Variants in SLC4A8 observed in about 807,000 individuals in gnomAD.
SLC4A8 encodes electroneutral sodium bicarbonate exchanger 1.
SLC4A8 carries 40 observed loss-of-function variants against 125.0 expected under a neutral mutation model. The ratio of observed to expected loss-of-function variants is 0.32; its 90% CI spans 0.25 to 0.42. The LOEUF is 0.42. SLC4A8 is among the 10% of genes least tolerant of loss of function. SLC4A8 has a pLI of 1.00. For synonymous variants in SLC4A8, 456 were observed against 476.0 expected, an observed-to-expected ratio of 0.96 and a Z score of 0.55; for missense variants, 863 against 1,355.1, an observed-to-expected ratio of 0.64 and a Z score of 5.70.
At chr12:51,413,699 T>C (rs940031067) in intron 1 of SLC4A8, among the ~76,000 whole-genome samples, 1 of 152,204 alleles carries the variant, frequency 6.6e-6, no homozygotes, top group African/African-American at 2.4e-5. Flanking sequence ...ATGTTCTTCA[T>C]GCCTTTGTTG....
Position 51,483,696 on chromosome 12 carries a change from T to G in SLC4A8, c.2173-2091T>G, listed in dbSNP as rs538786228. ...ATATTTTGTTCTCAAAATAAAATAA[T>G]TTTCAAGGTTTGGAAGTATAATGCG... On this transcript the variant is annotated intron_variant, in intron 16 of 24. Transcript: ENST00000453097. Among the ~76,000 whole-genome samples the G allele has an allele frequency of 3.9e-5, 6 of 152,340 alleles. No homozygotes were observed. The East Asian group carries it at 1.2e-3, about 29-fold the overall frequency.
At chr12:51,454,670 C>A (rs1950080278) in intron 5 of SLC4A8, among the ~76,000 whole-genome samples, 1 of 49,828 alleles carries the variant, frequency 2.0e-5, no homozygotes, top group Non-Finnish European at 3.9e-5. Flanking sequence ...CCACCTCCAG[C>A]CCTAAGGCGG....
chr12:51,463,770 G>A, intron 11 of SLC4A8, 56 bp downstream of exon 11: 5 of 1,173,260 alleles, frequency 4.3e-6, no homozygotes, highest in Non-Finnish European at 6.3e-6. Context: ...GTTATGCAAA[G>A]GAATGAGGCA....
intron 1 of SLC4A8, among the ~76,000 whole-genome samples, chr12:51,417,138 C>A (rs1423679935): frequency 6.6e-6 from 1 of 152,114 alleles, no homozygotes; most frequent in Non-Finnish European, 1.5e-5. Flanking sequence ...TCTACATAAC[C>A]ACATTACCAT....
Position 51,457,529 on chromosome 12 carries a change from G to T in SLC4A8, c.753G>T (p.Met251Ile). Residue 251 changes from methionine to isoleucine, a missense_variant, in exon 6 of 25, where the codon ATG (methionine) becomes ATT (isoleucine). Physicochemically the swap from Met to Ile is conservative, Grantham distance 10. Coordinates refer to ENST00000453097, the MANE Select transcript of SLC4A8 (RefSeq NM_001039960.3). ...VGKKQSDPHL[M>I]DKHGQTVSPQ... ...AGAAGCAGTCTGATCCTCATTTGAT[G>T]GATAAACATGGTAAGATTATTAGGT... 6.2e-7 allele frequency: 1 copy of T among 1,612,356 alleles called. No individual in the cohort carries two copies. The highest frequency in any genetic ancestry group is 8.5e-7 in the Non-Finnish European group (1 of 1,179,232).
At chr12:51,477,619 G>C (rs1156820550) in intron 16 of SLC4A8, among the ~76,000 whole-genome samples, 2 of 152,166 alleles carry the variant, frequency 1.3e-5, no homozygotes, top group Non-Finnish European at 2.9e-5. Flanking sequence ...AGTTAAAATA[G>C]TCTTGTTTTA....
chr12:51,411,604 C>A lies in SLC4A8; in HGVS notation c.-112+20116C>A, dbSNP rs1276365741. Among the ~76,000 whole-genome samples, 3 of 151,378 alleles carry A rather than the reference C, an allele frequency of 2.0e-5. No homozygotes were observed. In the East Asian group the frequency reaches 5.9e-4, roughly 30 times the overall value. On this transcript the variant is annotated intron_variant, in intron 1 of 24. Transcript: ENST00000358657. ...GACCCTGCCACACACACACACAAGT[C>A]TTTTTTAAGTTATTTTGTGGCTCTT... is the stretch of plus-strand genomic sequence containing the variant.
In SLC4A8 at chr12:51,512,953, G is replaced by A. The variant is rs1256817881; in HGVS notation, c.*5515G>A. The A allele has an allele frequency of 6.6e-6, 1 of 152,238 alleles. No individual in the cohort carries two copies. Among genetic ancestry groups the A allele is most frequent in the Non-Finnish European group, 1.5e-5 (1 of 68,066 alleles). The allele number at this position is 152,238 out of a possible 1,614,324, so 9.4% of individuals were successfully genotyped here. On this transcript the variant is annotated 3_prime_UTR_variant, in exon 25 of 25. Coordinates refer to ENST00000453097, the MANE Select transcript of SLC4A8 (RefSeq NM_001039960.3). ...CCATGACCACATTTGCTTGGGCCAG[G>A]GAAGTGGTGCACCTCTTTTATAACA...
intron 4 of SLC4A8, among the ~76,000 whole-genome samples, chr12:51,453,162 AT>A (rs1306585875): frequency 6.6e-6 from 1 of 152,212 alleles, no homozygotes; most frequent in East Asian, 1.9e-4. Flanking sequence ...GATTAAATCT[AT>A]TTTTTTAATT....
rs1938423932 is a variant in SLC4A8, at chr12:51,513,180, AGAAGGT to A, written c.*5747_*5752del. On this transcript the variant is annotated 3_prime_UTR_variant, in exon 25 of 25. Coordinates refer to ENST00000453097, the MANE Select transcript of SLC4A8 (RefSeq NM_001039960.3). ...CTTTTAGGGAAGGGTAGGTCTGGAG[AGAAGGT>A]GAAGACCAGCAGAAATATACTGTGA... The A allele has an allele frequency of 6.6e-6, 1 of 152,232 alleles. No individual in the cohort carries two copies. Among genetic ancestry groups the A allele is most frequent in the Non-Finnish European group, 1.5e-5 (1 of 68,052 alleles). The allele number at this position is 152,232 out of a possible 1,614,324, so 9.4% of individuals were successfully genotyped here.
In SLC4A8 at chr12:51,404,416, G is replaced by A. The variant is rs543294785; in HGVS notation, c.-112+12928G>A. On this transcript the variant is annotated intron_variant, in intron 1 of 24. Coordinates refer to the SLC4A8 transcript ENST00000358657. ...GATGAGGCCCTCCTCACTCCCTAGC[G>A]CCAGCCAGGTGAATCTTAAATCTTG... is the stretch of plus-strand genomic sequence containing the variant. Among the ~76,000 whole-genome samples, 10 of 152,186 alleles carry A rather than the reference G, an allele frequency of 6.6e-5. No homozygotes were observed. In the East Asian group the frequency reaches 1.5e-3, roughly 24 times the overall value.
intron 1 of SLC4A8, among the ~76,000 whole-genome samples, chr12:51,416,409 G>A (rs1161725509): frequency 2.6e-5 from 4 of 152,076 alleles, no homozygotes; most frequent in African/African-American, 9.6e-5. Flanking sequence ...TTGGGAGGAC[G>A]TGACAGGCAG....
intron 11 of SLC4A8, 111 bp from the exon 12 acceptor site, chr12:51,469,503 A>G (rs2138291935): frequency 4.3e-6 from 4 of 938,604 alleles, no homozygotes; most frequent in Non-Finnish European, 6.3e-6. Context: ...AACTGAAGCC[A>G]AAGTCTTACC....
intron 22 of SLC4A8, among the ~76,000 whole-genome samples, chr12:51,503,768 A>G (rs1168985688): frequency 6.6e-6 from 1 of 152,102 alleles, no homozygotes; most frequent in Non-Finnish European, 1.5e-5. Flanking sequence ...TCTGTCTGCT[A>G]TATTTGTAGT....
intron 16 of SLC4A8, among the ~76,000 whole-genome samples, chr12:51,476,654 C>T (rs149528576): frequency 2.4e-4 from 37 of 152,202 alleles, no homozygotes; most frequent in African/African-American, 8.9e-4. Context: ...GATCTACCAT[C>T]AGTACATCAA....
upstream of SLC4A8, among the ~76,000 whole-genome samples, chr12:51,423,257 T>G (rs1367909398): frequency 6.6e-6 from 1 of 152,220 alleles, no homozygotes; most frequent in African/African-American, 2.4e-5. Context: ...AAGAAAGGTA[T>G]GAAGTGCCTT....
At chr12:51,475,260 C>T in intron 16 of SLC4A8, 54 bp downstream of exon 16, 4 of 1,558,398 alleles carry the variant, frequency 2.6e-6, no homozygotes, top group African/African-American at 1.4e-5. Context: ...ATAACAGAAC[C>T]TTTTCTCAGC....
chr12:51,425,413 T>G (rs1948937573), intron 1 of SLC4A8: 33 of 1,056,314 alleles, frequency 3.1e-5, no homozygotes, highest in Non-Finnish European at 3.5e-5. Context: ...GACCTTGCTC[T>G]GGTGGGGCAC....
intron 21 of SLC4A8, among the ~76,000 whole-genome samples, chr12:51,496,302 C>T (rs1477141643): frequency 6.6e-6 from 1 of 152,202 alleles, no homozygotes; most frequent in Non-Finnish European, 1.5e-5. Flanking sequence ...AGCAGTCCAC[C>T]CAGGCAGGAT....
Sources: gnomAD v4.1 joint callset for allele counts (sites outside exome capture counted in the v4.1 genomes callset) on GRCh38, gnomAD v4.1.1 for gene constraint, MANE v1.5 for transcripts, NCBI Gene and HGNC (gene_info 2026-07-23, HGNC 2026-07-21) for gene names.